KDM1B: variants seen among roughly 807,000 people sequenced by gnomAD.
KDM1B encodes lysine-specific histone demethylase 2.
KDM1B carries 63 observed loss-of-function variants against 107.4 expected under a neutral mutation model. The ratio of observed to expected loss-of-function variants is 0.59; its 90% confidence interval spans 0.48 to 0.72. The LOEUF (loss-of-function observed/expected upper bound fraction) is 0.72. Among genes scored for constraint, KDM1B ranks in the 30% least tolerant of loss-of-function variants. KDM1B has a pLI of 0.00. For missense variants in KDM1B, 749 were observed against 1,020.8 expected (o/e 0.73, Z 3.63); for synonymous variants, 363 against 363.9 (o/e 1.00, Z 0.03).
chr6:18,185,336 C>G (rs573190615), intron 7 of KDM1B, among the ~76,000 whole-genome samples: 2 of 150,428 alleles, frequency 1.3e-5, no homozygotes, highest in Non-Finnish European at 2.9e-5. Context: ...GAGTCTCGCT[C>G]TGTTACCCAG....
At chr6:18,199,495 G>A (rs1212397621) in intron 12 of KDM1B, among the ~76,000 whole-genome samples, 2 of 152,106 alleles carry the variant, frequency 1.3e-5, no homozygotes, top group South Asian at 2.1e-4. Context: ...GCCCTGCGAT[G>A]AATAGGACTC....
At chr6:18,208,628 T>TATATATATATGTATATATATATA (rs1491350264) in intron 17 of KDM1B, among the ~76,000 whole-genome samples, 1 of 16,250 alleles carries the variant, frequency 6.2e-5, no homozygotes, top group African/African-American at 2.5e-4. Flanking sequence ...TATATATATA[T>TATATATATATGTATATATATATA]TTTTTTTTTT....
At position 18,162,735 on chromosome 6, in the gene KDM1B, C is replaced by G. The variant is rs1785046787; in HGVS notation, c.216-100C>G. On this transcript the variant is annotated intron_variant, in intron 4 of 21. Transcript: ENST00000650836. The surrounding 1 kb of genome is among the most constrained non-coding windows in gnomAD (Gnocchi z 4.1). ...CTTAAGGGGCTAAGTGGAGATAATG[C>G]AAAATGGGTTCATAGATGGTGCTTG... The G allele has an allele frequency of 1.4e-6, 1 of 691,332 alleles. No individual in the cohort carries two copies. Among genetic ancestry groups the G allele is most frequent in the Non-Finnish European group, 2.6e-6 (1 of 380,986 alleles). The allele number at this position is 691,332 out of a possible 1,614,324, so 42.8% of individuals were successfully genotyped here. A position where few individuals can be genotyped will look rare whatever the true frequency, so the allele number is the denominator to read the frequency against.
At chr6:18,206,749 G>A (rs780889281) in intron 15 of KDM1B, among the ~76,000 whole-genome samples, 4 of 152,032 alleles carry the variant, frequency 2.6e-5, no homozygotes, top group Non-Finnish European at 5.9e-5. Context: ...TCCTTTCCCT[G>A]CCCTCTGCAG....
intron 7 of KDM1B, among the ~76,000 whole-genome samples, chr6:18,173,630 C>A (rs889228256): frequency 3.9e-5 from 6 of 151,992 alleles, no homozygotes; most frequent in African/African-American, 1.4e-4. Context: ...TAGTTTTCAT[C>A]TTTACTTTTA....
At chr6:18,202,387 A>G (rs144693645) in intron 14 of KDM1B, among the ~76,000 whole-genome samples, 2,782 of 151,476 alleles carry the variant, frequency 0.018, 46 homozygotes, top group African/African-American at 0.052. Context: ...GCAATGAAGC[A>G]AGACCCTATT....
At chr6:18,190,437 A>AC (rs1491410476) in intron 9 of KDM1B, among the ~76,000 whole-genome samples, 5 of 109,176 alleles carry the variant, frequency 4.6e-5, no homozygotes, top group Non-Finnish European at 9.2e-5. Flanking sequence ...CTAAAAATAC[A>AC]AAAAAAAAAA....
At chr6:18,190,121 G>C (rs1460831858) in intron 9 of KDM1B, among the ~76,000 whole-genome samples, 1 of 151,498 alleles carries the variant, frequency 6.6e-6, no homozygotes, top group Non-Finnish European at 1.5e-5. Flanking sequence ...TTACACTCCA[G>C]CCTGGGTGAC....
Position 18,166,391 on chromosome 6 carries a change from A to G in KDM1B, c.417+13A>G, listed in dbSNP as rs1785293824. The G allele has an allele frequency of 2.1e-6, 3 of 1,445,084 alleles. No individual in the cohort carries two copies. The highest frequency in any genetic ancestry group is 1.4e-5 in the African/African-American group (1 of 71,636). 89.5% of individuals were successfully genotyped at this position (1,445,084 alleles called of 1,614,324 possible). On this transcript the variant is annotated intron_variant, in intron 6 of 21. Coordinates refer to ENST00000650836, the MANE Select transcript of KDM1B (RefSeq NM_001364614.2). ...ACTCCCCTACTGGGTAAGGAGAGTG[A>G]TGCTCTCTGTCTGTGAAGTATTTGT...
chr6:18,196,498 A>G (rs1320628597), intron 10 of KDM1B, among the ~76,000 whole-genome samples: 1 of 152,042 alleles, frequency 6.6e-6, no homozygotes, highest in Non-Finnish European at 1.5e-5. Flanking sequence ...GTCTTCTTTG[A>G]TAATAGCCAT....
intron 7 of KDM1B, among the ~76,000 whole-genome samples, chr6:18,174,627 C>T (rs1051966292): frequency 6.6e-6 from 1 of 151,352 alleles, no homozygotes; most frequent in Non-Finnish European, 1.5e-5. Flanking sequence ...ACTTTTCCCC[C>T]CAAGTCCCCA....
At chr6:18,177,516 C>T (rs1030847461) in intron 7 of KDM1B, among the ~76,000 whole-genome samples, 1 of 148,520 alleles carries the variant, frequency 6.7e-6, no homozygotes, top group Non-Finnish European at 1.5e-5. Flanking sequence ...TTGGTTTGTT[C>T]CTGTTTCTCT....
In KDM1B at chr6:18,197,171, A is replaced by C; in HGVS notation, c.1084A>C (p.Ile362Leu). The C allele has an allele frequency of 1.2e-6, 2 of 1,614,172 alleles. No homozygotes were observed. The highest frequency in any genetic ancestry group is 8.5e-7 in the Non-Finnish European group (1 of 1,180,008). ...ILYFMTRKGLINTGVLSVGAD... is the reference protein window; with the variant it reads ...ILYFMTRKGLLNTGVLSVGAD... ...GTATTTTATGACCAGAAAAGGTCTCATCAACACTGGAGTTCTCAGCGTGGG... is the reference window on the plus strand; with the variant it reads ...GTATTTTATGACCAGAAAAGGTCTCCTCAACACTGGAGTTCTCAGCGTGGG... Residue 362 changes from isoleucine to leucine, a missense_variant, in exon 11 of 22, where the codon ATC becomes CTC. By Grantham distance (5) the Ile-to-Leu change is conservative. Transcript: ENST00000650836. The surrounding 1 kb of genome is among the most constrained non-coding windows in gnomAD (Gnocchi z 4.5).
intron 7 of KDM1B, among the ~76,000 whole-genome samples, chr6:18,179,840 G>GAT (rs1561921251): frequency 2.5e-5 from 2 of 79,342 alleles, no homozygotes; most frequent in African/African-American, 5.3e-5. Flanking sequence ...TTTAGCATTG[G>GAT]TTTTTTTTCC....
rs1787977415 is a variant in KDM1B, at chr6:18,200,703, C to T, written c.1359+127C>T. On this transcript the variant is annotated intron_variant, in intron 13 of 21. Coordinates refer to ENST00000650836, the MANE Select transcript of KDM1B (RefSeq NM_001364614.2). This position sits in a 1 kb window ranked among gnomAD's most constrained non-coding sequence, Gnocchi z 4.3. ...CAGCCCCCTCATCTCCTATGCAAAG[C>T]AGTAAGAATTACACTTCTGCCTTTC... is the stretch of plus-strand genomic sequence containing the variant. 2.8e-6 allele frequency: 2 copies of T among 704,262 alleles called. No homozygotes were observed. Among genetic ancestry groups the T allele is most frequent in the Admixed American group, 3.6e-5 (1 of 27,806 alleles). The allele number at this position is 704,262 out of a possible 1,614,324, so 43.6% of individuals were successfully genotyped here.
chr6:18,201,446 C>T lies in KDM1B; in HGVS notation c.1360-40C>T. The T allele has an allele frequency of 6.9e-7, 1 of 1,452,772 alleles. No individual in the cohort carries two copies. The highest frequency in any genetic ancestry group is 9.3e-7 in the Non-Finnish European group (1 of 1,079,310). 90.0% of individuals were successfully genotyped at this position (1,452,772 alleles called of 1,614,324 possible). On this transcript the variant is annotated intron_variant, in intron 13 of 21. Coordinates refer to ENST00000650836, the MANE Select transcript of KDM1B (RefSeq NM_001364614.2). The surrounding 1 kb of genome is among the most constrained non-coding windows in gnomAD (Gnocchi z 4.3). ...CTTAGAACCTGTAAATATTTTTTTCCAGGGAAAATTTTCACCTTCTTATTC... is the reference window on the plus strand; with the variant it reads ...CTTAGAACCTGTAAATATTTTTTTCTAGGGAAAATTTTCACCTTCTTATTC...
chr6:18,216,270 A>G (rs1483169107), intron 20 of KDM1B, among the ~76,000 whole-genome samples: 1 of 152,042 alleles, frequency 6.6e-6, no homozygotes, highest in Non-Finnish European at 1.5e-5. Flanking sequence ...TGGTAGAGAC[A>G]GGGTTTCACC....
chr6:18,160,155 A>G (rs771188323), intron 3 of KDM1B, among the ~76,000 whole-genome samples, 173 bp downstream of exon 3: 26 of 152,206 alleles, frequency 1.7e-4, no homozygotes, highest in Non-Finnish European at 3.1e-4. Flanking sequence ...AATATACAAA[A>G]TAGAAGCATT....
intron 5 of KDM1B, among the ~76,000 whole-genome samples, chr6:18,165,131 T>TTTC (rs1785211889): frequency 7.7e-6 from 1 of 130,666 alleles, no homozygotes; most frequent in Non-Finnish European, 1.6e-5. Context: ...TTCTCTGATT[T>TTTC]TTTTTTTTTT....
Sources: gnomAD v4.1 joint callset for allele counts (sites outside exome capture counted in the v4.1 genomes callset) on GRCh38, gnomAD v4.1.1 for gene constraint, Gnocchi (gnomAD v3.1) non-coding constraint, MANE v1.5 for transcripts, NCBI Gene and HGNC (gene_info 2026-07-23, HGNC 2026-07-21) for gene names.